Variants in EVA1C observed in about 807,000 individuals in gnomAD.
The protein encoded by EVA1C is eva-1 homolog C.
EVA1C carries 25 observed loss-of-function variants against 45.4 expected under a neutral mutation model. The observed-to-expected ratio is 0.55, with a 90% CI of 0.40 to 0.77. The LOEUF (loss-of-function observed/expected upper bound fraction) is 0.77, where lower values mean the gene tolerates loss of function less well. EVA1C is among the 30% of genes least tolerant of loss of function. The pLI, the probability that EVA1C is intolerant of heterozygous loss-of-function variation, is 0.00. For missense variants in EVA1C, 479 were observed against 554.8 expected (o/e 0.86, Z 1.37); for synonymous variants, 190 against 221.2 (o/e 0.86, Z 1.25).
intron 5 of EVA1C, among the ~76,000 whole-genome samples, chr21:32,500,446 C>T (rs1212588389): frequency 6.6e-6 from 1 of 152,014 alleles, no homozygotes; most frequent in East Asian, 1.9e-4. Context: ...CCATCATGCC[C>T]AGCCCAGAGT....
chr21:32,490,110 C>T (rs1355340548), intron 4 of EVA1C, among the ~76,000 whole-genome samples: 1 of 152,108 alleles, frequency 6.6e-6, no homozygotes, highest in African/African-American at 2.4e-5. Flanking sequence ...GGCCTACCAC[C>T]TTGACCATTT....
intron 4 of EVA1C, among the ~76,000 whole-genome samples, chr21:32,471,020 C>T (rs955031728): frequency 6.6e-6 from 1 of 151,836 alleles, no homozygotes; most frequent in Non-Finnish European, 1.5e-5. Context: ...TGGCCTCCCA[C>T]AGTACTGGGA....
rs1350752340 is a variant in EVA1C, at chr21:32,474,130, T to C, written c.634+6282T>C. The C allele has an allele frequency of 5.3e-6, 1 of 189,706 alleles. No individual in the cohort carries two copies. The highest frequency in any genetic ancestry group is 9.8e-6 in the Non-Finnish European group (1 of 102,540). The allele number at this position is 189,706 out of a possible 1,614,324, so 11.8% of individuals were successfully genotyped here. A position where few individuals can be genotyped will look rare whatever the true frequency, so the allele number is the denominator to read the frequency against. On this transcript the variant is annotated intron_variant, in intron 4 of 7. Transcript: ENST00000300255. The surrounding 1 kb of genome is among the most constrained non-coding windows in gnomAD (Gnocchi z 4.4). ...AGTCTTGCTATTTTGCCCAGGCTGG[T>C]CTTCAACTCCTGGCCTCAAGTGATC... is the stretch of plus-strand genomic sequence containing the variant.
At chr21:32,480,887 C>T (rs942974936) in intron 4 of EVA1C, among the ~76,000 whole-genome samples, 3 of 151,564 alleles carry the variant, frequency 2.0e-5, no homozygotes, top group East Asian at 1.9e-4. Flanking sequence ...AACTTGAACC[C>T]GGGAGGCAGA....
At chr21:32,509,446 A>C (rs1310941659) in intron 7 of EVA1C, among the ~76,000 whole-genome samples, 1 of 151,796 alleles carries the variant, frequency 6.6e-6, no homozygotes, top group Admixed American at 6.6e-5. Flanking sequence ...CCAGACACCC[A>C]CCTCCCAGGA....
chr21:32,480,462 CA>C (rs1359895751), intron 4 of EVA1C, among the ~76,000 whole-genome samples: 1 of 152,082 alleles, frequency 6.6e-6, no homozygotes, highest in East Asian at 1.9e-4. Context: ...AGCAACATGG[CA>C]AAACCCCATC....
intron 4 of EVA1C, among the ~76,000 whole-genome samples, chr21:32,485,091 CCT>C (rs1005691585): frequency 9.2e-5 from 14 of 152,310 alleles, no homozygotes; most frequent in African/African-American, 3.4e-4. Context: ...ATTCTCCTCC[CCT>C]GACTGTCCAC....
intron 4 of EVA1C, among the ~76,000 whole-genome samples, chr21:32,492,672 A>C (rs1170019846): frequency 6.7e-6 from 1 of 149,760 alleles, no homozygotes; most frequent in Non-Finnish European, 1.5e-5. Context: ...TTTCTTCAAA[A>C]TCTCGGCCCA....
intron 4 of EVA1C, among the ~76,000 whole-genome samples, chr21:32,482,353 A>G (rs1212728386): frequency 1.3e-5 from 2 of 152,312 alleles, no homozygotes; most frequent in Non-Finnish European, 2.9e-5. Context: ...GATATTCCTC[A>G]TGCTACACAG....
intron 3 of EVA1C, among the ~76,000 whole-genome samples, chr21:32,465,541 C>T (rs1236738807): frequency 6.6e-6 from 1 of 152,172 alleles, no homozygotes; most frequent in South Asian, 2.1e-4. Flanking sequence ...AAAGAATTTT[C>T]TTTACAAAAT....
chr21:32,488,553 G>C (rs963490884), intron 4 of EVA1C, among the ~76,000 whole-genome samples: 1 of 150,522 alleles, frequency 6.6e-6, no homozygotes, highest in Non-Finnish European at 1.5e-5. Context: ...CTGACAATTA[G>C]TGATGTTGGG....
Position 32,489,871 on chromosome 21 carries a change from G to A in EVA1C, c.635-5156G>A, listed in dbSNP as rs1014620068. ...TTTATGCCATTGTAAATGGGATCTCGGCTCACCGCAACCTCTGCCTCCTGG... is the reference window on the plus strand; with the variant it reads ...TTTATGCCATTGTAAATGGGATCTCAGCTCACCGCAACCTCTGCCTCCTGG... On this transcript the variant is annotated intron_variant, in intron 4 of 7. Coordinates refer to ENST00000300255, the MANE Select transcript of EVA1C (RefSeq NM_058187.5). Among the ~76,000 whole-genome samples the A allele has an allele frequency of 3.9e-5, 6 of 152,094 alleles. No homozygotes were observed. In the East Asian group the frequency reaches 5.8e-4, roughly 15 times the overall value.
chr21:32,414,000 G>A (rs1181093009), intron 1 of EVA1C, among the ~76,000 whole-genome samples: 1 of 152,208 alleles, frequency 6.6e-6, no homozygotes, highest in Non-Finnish European at 1.5e-5. Flanking sequence ...GGTGGTAAAG[G>A]GAGTCCTCCT....
At chr21:32,499,865 G>T (rs533714321) in intron 5 of EVA1C, among the ~76,000 whole-genome samples, 37 of 152,224 alleles carry the variant, frequency 2.4e-4, no homozygotes, top group African/African-American at 8.7e-4. Context: ...GTCATCTGCC[G>T]GCTGCTTTGC....
At chr21:32,448,508 A>G (rs2035446614) in intron 1 of EVA1C, among the ~76,000 whole-genome samples, 1 of 152,072 alleles carries the variant, frequency 6.6e-6, no homozygotes, top group Non-Finnish European at 1.5e-5. Flanking sequence ...CCCTAACGCT[A>G]GCTCCTCTCC....
chr21:32,434,494 G>A (rs2034850643), intron 1 of EVA1C, among the ~76,000 whole-genome samples: 1 of 151,908 alleles, frequency 6.6e-6, no homozygotes, highest in Admixed American at 6.6e-5. Context: ...GGGAGGCTGA[G>A]GCAGGAGAAT....
Position 32,412,788 on chromosome 21 carries a change from C to T in EVA1C, c.-66C>T, listed in dbSNP as rs545412012. 3.5e-5 allele frequency: 46 copies of T among 1,297,364 alleles called. No individual in the cohort carries two copies. Among genetic ancestry groups the T allele is most frequent in the Non-Finnish European group, 4.4e-5 (45 of 1,019,658 alleles). 80.4% of individuals were successfully genotyped at this position (1,297,364 alleles called of 1,614,324 possible). A position where few individuals can be genotyped will look rare whatever the true frequency, so the allele number is the denominator to read the frequency against. On this transcript the variant is annotated 5_prime_UTR_variant, in exon 1 of 8. Coordinates refer to ENST00000300255, the MANE Select transcript of EVA1C (RefSeq NM_058187.5). ...ATCGATTCTCCCCGCCATGTGACGC[C>T]GTCCTTAGCCCTGCGACCCCCAGCG... is the stretch of plus-strand genomic sequence containing the variant.
At position 32,474,905 on chromosome 21, in the gene EVA1C, C is replaced by A. The variant is rs145296129; in HGVS notation, c.634+7057C>A. Among the ~76,000 whole-genome samples, 864 of 152,298 alleles carry A rather than the reference C, an allele frequency of 5.7e-3. 11 individuals carry two copies. The highest frequency in any genetic ancestry group is 0.02 in the African/African-American group (828 of 41,562). ...AGCCAAACAAAACATGCCTCCAGGG[C>A]GCACCTGGGCCACAGGCTGCCAGTG... On this transcript the variant is annotated intron_variant, in intron 4 of 7. Coordinates refer to ENST00000300255, the MANE Select transcript of EVA1C (RefSeq NM_058187.5). The surrounding 1 kb of genome is among the most constrained non-coding windows in gnomAD (Gnocchi z 4.4).
Position 32,501,984 on chromosome 21 carries a change from T to TTTTC in EVA1C, c.859+556_859+559dup, listed in dbSNP as rs563785580. Among the ~76,000 whole-genome samples, 992 of 120,508 alleles carry TTTTC rather than the reference T, an allele frequency of 8.2e-3. 25 individuals carry two copies. The highest frequency in any genetic ancestry group is 0.016 in the Middle Eastern group (4 of 250). 79.1% of individuals were successfully genotyped at this position (120,508 alleles called of 152,430 possible). A position where few individuals can be genotyped will look rare whatever the true frequency, so the allele number is the denominator to read the frequency against. On this transcript the variant is annotated intron_variant, in intron 6 of 7. Coordinates refer to ENST00000300255, the MANE Select transcript of EVA1C (RefSeq NM_058187.5). ...CTCCCTCCCTCTCTCTCTCTCGCTC[T>TTTTC]TTTCTTTCTTTCTTTCTTTCTTTCT...
Sources: allele counts gnomAD v4.1 joint callset (sites outside exome capture counted in the v4.1 genomes callset), GRCh38; gene constraint gnomAD v4.1.1; non-coding constraint Gnocchi (gnomAD v3.1); transcripts MANE v1.5; gene names NCBI Gene and HGNC (gene_info 2026-07-23, HGNC 2026-07-21).